VASP: variants seen among roughly 807,000 people sequenced by gnomAD.
The protein encoded by VASP is vasodilator-stimulated phosphoprotein.
Under a neutral mutation model 54.4 loss-of-function variants are expected in VASP, and 27 were observed. The observed-to-expected ratio is 0.50, with a 90% CI of 0.37 to 0.68. The LOEUF (loss-of-function observed/expected upper bound fraction) is 0.68, where lower values mean the gene tolerates loss of function less well. VASP is among the 30% of genes least tolerant of loss of function. VASP has a pLI of 0.00. For missense variants in VASP, 488 were observed against 528.3 expected, an observed-to-expected ratio of 0.92 and a Z score of 0.75; for synonymous variants, 233 against 209.8, an observed-to-expected ratio of 1.11 and a Z score of -0.96.
chr19:45,520,202 A>C (rs1022988787), intron 3 of VASP, among the ~76,000 whole-genome samples: 2 of 152,086 alleles, frequency 1.3e-5, no homozygotes, highest in Non-Finnish European at 2.9e-5. Flanking sequence ...CGCCCAGCCC[A>C]GTTGCTATTT....
At chr19:45,517,577 C>A (rs566681452) in intron 1 of VASP, 86 bp from the exon 2 acceptor site, 1 of 1,520,622 alleles carries the variant, frequency 6.6e-7, no homozygotes, top group Non-Finnish European at 8.8e-7. Flanking sequence ...CTTCCTTCCA[C>A]ACACTGTCTT....
At chr19:45,513,244 G>A (rs1004774985) in intron 1 of VASP, among the ~76,000 whole-genome samples, 5 of 106,814 alleles carry the variant, frequency 4.7e-5, no homozygotes, top group African/African-American at 1.5e-4. Context: ...GCCTTTTTTT[G>A]TGAGGGAGTC....
chr19:45,518,936 A>G (rs1968766490), intron 3 of VASP, among the ~76,000 whole-genome samples: 1 of 152,158 alleles, frequency 6.6e-6, no homozygotes, highest in Admixed American at 6.5e-5. Flanking sequence ...GGTTCGCGTG[A>G]TTCTCGTGCC....
chr19:45,525,915 C>T (rs377475555), intron 11 of VASP, 31 bp from the exon 12 acceptor site: 2 of 1,599,756 alleles, frequency 1.3e-6, no homozygotes, highest in African/African-American at 2.7e-5. Context: ...CCGGTACCCC[C>T]TCCTGATTAG....
chr19:45,524,046 T>TG (rs772475504), intron 9 of VASP, 51 bp from the exon 10 acceptor site: 4 of 1,596,832 alleles, frequency 2.5e-6, no homozygotes, highest in South Asian at 1.1e-5. Flanking sequence ...TAAGATTGAT[T>TG]GGGGGGCAGT....
chr19:45,524,809 C>A, intron 11 of VASP, 149 bp downstream of exon 11: 1 of 702,778 alleles, frequency 1.4e-6, no homozygotes, highest in Non-Finnish European at 2.4e-6. Flanking sequence ...CAAGGATGAC[C>A]GAGACTCCAC....
At chr19:45,518,320 C>T (rs941830662) in intron 3 of VASP, among the ~76,000 whole-genome samples, 2 of 152,164 alleles carry the variant, frequency 1.3e-5, no homozygotes, top group Non-Finnish European at 2.9e-5. Flanking sequence ...GTAATCTCAG[C>T]ACTTTGGGAG....
intron 3 of VASP, among the ~76,000 whole-genome samples, chr19:45,519,380 G>A (rs958796854): frequency 7.2e-5 from 11 of 152,108 alleles, no homozygotes; most frequent in Admixed American, 7.2e-4. Flanking sequence ...CTGGCCTCAA[G>A]TGATCCACCT....
chr19:45,522,436 G>T lies in VASP; in HGVS notation c.575G>T (p.Gly192Val), dbSNP rs1427583216. The T allele has an allele frequency of 6.6e-7, 1 of 1,520,342 alleles. No individual in the cohort carries two copies. Among genetic ancestry groups the T allele is most frequent in the African/African-American group, 1.4e-5 (1 of 72,502 alleles). 94.2% of individuals were successfully genotyped at this position (1,520,342 alleles called of 1,614,324 possible). ...PPPPPGLPPS[G>V]VPAAAHGAGG... The stretch of plus-strand genomic sequence containing the variant: ...CCACCCCCAGGTTTGCCCCCTTCGG[G>T]GGTCCCAGCTGCAGCGCACGGAGCA... Residue 192 changes from glycine (G) to valine (V), a missense_variant, in exon 6 of 13, where the codon GGG becomes GTG. Coordinates refer to ENST00000245932, the MANE Select transcript of VASP (RefSeq NM_003370.4).
intron 1 of VASP, among the ~76,000 whole-genome samples, chr19:45,509,561 C>T (rs1232821596): frequency 6.6e-6 from 1 of 152,172 alleles, no homozygotes; most frequent in Non-Finnish European, 1.5e-5. Flanking sequence ...GAAGCCCTGG[C>T]CCTCCCACAA....
intron 1 of VASP, among the ~76,000 whole-genome samples, chr19:45,516,615 G>A (rs1968706363): frequency 6.6e-6 from 1 of 152,148 alleles, no homozygotes; most frequent in African/African-American, 2.4e-5. Flanking sequence ...ATTGGCCTCG[G>A]CCTCTTACAC....
chr19:45,507,603 A>T lies in VASP; in HGVS notation c.-169A>T. 1 of 762,202 alleles carries T rather than the reference A, an allele frequency of 1.3e-6. No homozygotes were observed. Among genetic ancestry groups the T allele is most frequent in the Non-Finnish European group, 2.0e-6 (1 of 507,718 alleles). The allele number at this position is 762,202 out of a possible 1,614,324, so 47.2% of individuals were successfully genotyped here. On this transcript the variant is annotated 5_prime_UTR_variant, in exon 1 of 13. Coordinates refer to ENST00000245932, the MANE Select transcript of VASP (RefSeq NM_003370.4). The surrounding 1 kb of genome is among the most constrained non-coding windows in gnomAD (Gnocchi z 4.4). ...CGCCTGAGGGAAGCGGCGCCCGGAG[A>T]CCCGCCCCGGCCCGGTCCACATTCT...
chr19:45,510,351 G>A (rs972926562), intron 1 of VASP, among the ~76,000 whole-genome samples: 3 of 151,916 alleles, frequency 2.0e-5, no homozygotes, highest in East Asian at 1.9e-4. Context: ...TCAACCTTCC[G>A]AGTAGCTGGG....
intron 11 of VASP, chr19:45,524,904 A>C: frequency 4.9e-6 from 2 of 406,952 alleles, no homozygotes; most frequent in African/African-American, 2.0e-5. Flanking sequence ...CTTTCCGCAC[A>C]TTGACCCAGC....
intron 1 of VASP, among the ~76,000 whole-genome samples, chr19:45,514,656 C>A (rs1968666551): frequency 6.6e-6 from 1 of 152,202 alleles, no homozygotes; most frequent in African/African-American, 2.4e-5. Flanking sequence ...GCAGGGCTGC[C>A]TGGGAGAGCA....
At chr19:45,524,237 C>T (rs753251739) in intron 10 of VASP, 95 bp downstream of exon 10, 22 of 1,417,042 alleles carry the variant, frequency 1.6e-5, no homozygotes, top group Middle Eastern at 2.5e-4. Context: ...ATGGCGACAC[C>T]CCATCTCTAC....
At chr19:45,515,568 A>G (rs2352985) in intron 1 of VASP, among the ~76,000 whole-genome samples, 81,888 of 151,512 alleles carry the variant, frequency 0.54, 22,364 homozygotes, top group Middle Eastern at 0.64. Flanking sequence ...ACAGAGTTTC[A>G]CTCTGTCGCC....
In VASP at chr19:45,522,549, A is replaced by G; in HGVS notation, c.688A>G (p.Ile230Val). The G allele has an allele frequency of 2.1e-6, 3 of 1,458,670 alleles. No individual in the cohort carries two copies. The highest frequency in any genetic ancestry group is 2.4e-5 in the East Asian group (1 of 40,912). 90.4% of individuals were successfully genotyped at this position (1,458,670 alleles called of 1,614,324 possible). A position where few individuals can be genotyped will look rare whatever the true frequency, so the allele number is the denominator to read the frequency against. ...TGGGGCCCCAGGCCTGGCCGCAGCTATTGCTGGAGCCAAACTCAGGAAAGT... is the reference window on the plus strand; with the variant it reads ...TGGGGCCCCAGGCCTGGCCGCAGCTGTTGCTGGAGCCAAACTCAGGAAAGT... ...GAGAPGLAAA[I>V]AGAKLRKVSK... The change falls in exon 6 of 13, where the codon ATT (isoleucine) becomes GTT (valine). Residue 230 changes from isoleucine to valine, a missense_variant. Physicochemically the swap from Ile to Val is conservative, Grantham distance 29. Around this residue, in one of 4 missense-constraint regions of VASP, gnomAD observed 226 missense variants for 196.0 expected, o/e 1.15. Coordinates refer to ENST00000245932, the MANE Select transcript of VASP (RefSeq NM_003370.4).
In VASP at chr19:45,517,825, C is replaced by T. The variant is rs143771004; in HGVS notation, c.168C>T (p.Pro56=). 4.5e-4 allele frequency: 732 copies of T among 1,613,302 alleles called. 5 individuals carry two copies. In the African/African-American group the frequency reaches 8.7e-3, roughly 19 times the overall value. ...GCGTCGTGGGCCGGAAGATGCAGCC[C>T]GACCAGCAGGTGCAGCTTCCCGCCG... ...SFRVVGRKMQ[P]DQQVVINCAI... Residue 56 remains proline (P), a synonymous_variant, in exon 2 of 13, where the codon CCC becomes CCT. Coordinates refer to ENST00000245932, the MANE Select transcript of VASP (RefSeq NM_003370.4).
Sources: gnomAD v4.1 joint callset for allele counts (sites outside exome capture counted in the v4.1 genomes callset) on GRCh38, gnomAD v4.1.1 for gene constraint, gnomAD v4.1.1 regional missense constraint, Gnocchi (gnomAD v3.1) non-coding constraint, MANE v1.5 for transcripts, NCBI Gene and HGNC (gene_info 2026-07-23, HGNC 2026-07-21) for gene names.